LEKR1: variants seen among roughly 807,000 people sequenced by gnomAD.
LEKR1 encodes leucine, glutamate and lysine rich 1.
In LEKR1, 59 loss-of-function variants were observed where a neutral mutation model predicts 72.4. The observed-to-expected ratio is 0.82, with a 90% CI of 0.66 to 1.01. The LOEUF (loss-of-function observed/expected upper bound fraction) is 1.01. LEKR1 is among the 50% of genes least tolerant of loss of function. The pLI, the probability that LEKR1 is intolerant of heterozygous loss-of-function variation, is 0.00. For missense variants in LEKR1, 728 were observed against 759.2 expected, an observed-to-expected ratio of 0.96 and a Z score of 0.48; for synonymous variants, 257 against 263.2, an observed-to-expected ratio of 0.98 and a Z score of 0.23.
At chr3:156,905,043 G>A (rs1213912604) in intron 3 of LEKR1, among the ~76,000 whole-genome samples, 4 of 152,066 alleles carry the variant, frequency 2.6e-5, no homozygotes, top group Non-Finnish European at 5.9e-5. Flanking sequence ...GTCCAGTGCG[G>A]GTACTTTTTT....
chr3:156,888,551 C>A lies in LEKR1; in HGVS notation c.264-32024C>A. ...AAACACATAAAAAGACTGAAAGGGC[C>A]TGGTTAGATTTGGGAGCTGCTTATA... On this transcript the variant is annotated intron_variant, in intron 3 of 12. Coordinates refer to ENST00000356539, the MANE Select transcript of LEKR1 (RefSeq NM_001004316.3). 3 of 556,612 alleles carry A rather than the reference C, an allele frequency of 5.4e-6. No homozygotes were observed. The East Asian group carries it at 8.4e-5, about 16-fold the overall frequency. 34.5% of individuals were successfully genotyped at this position (556,612 alleles called of 1,614,324 possible).
Position 156,993,267 on chromosome 3 carries a change from A to G in LEKR1, c.1099A>G (p.Lys367Glu). The G allele has an allele frequency of 6.3e-7, 1 of 1,587,902 alleles. No individual in the cohort carries two copies. Among genetic ancestry groups the G allele is most frequent in the Non-Finnish European group, 8.5e-7 (1 of 1,170,532 alleles). Residue 367 changes from lysine (K) to glutamate (E), a missense_variant, in exon 9 of 13, where the codon AAA becomes GAA. Transcript: ENST00000356539. ...GACAAGGGAAGAGGTTTTAACACTG[A>G]AAAATGAAAGGTGCAGTAAACAATA... ...NQTREEVLTL[K>E]NERELMLISH...
At chr3:156,972,055 G>A (rs1007162021) in intron 6 of LEKR1, among the ~76,000 whole-genome samples, 2 of 151,920 alleles carry the variant, frequency 1.3e-5, no homozygotes, top group Non-Finnish European at 2.9e-5. Context: ...TGTTTATTGC[G>A]GCACTATTCA....
chr3:156,827,591 C>T (rs1282348490), intron 1 of LEKR1, among the ~76,000 whole-genome samples: 5 of 152,200 alleles, frequency 3.3e-5, no homozygotes, highest in Non-Finnish European at 7.3e-5. Context: ...TCTTTGTAAC[C>T]TCATTAGCAG....
chr3:157,044,870 G>A (rs1054051317), intron 12 of LEKR1, among the ~76,000 whole-genome samples: 1 of 152,024 alleles, frequency 6.6e-6, no homozygotes, highest in East Asian at 1.9e-4. Flanking sequence ...TATACTTCAA[G>A]CACTTTTACC....
At chr3:156,921,612 G>A (rs1190820521) in intron 4 of LEKR1, among the ~76,000 whole-genome samples, 1 of 152,108 alleles carries the variant, frequency 6.6e-6, no homozygotes. Flanking sequence ...GAAATCTGGT[G>A]TTGAACCAAA....
intron 10 of LEKR1, among the ~76,000 whole-genome samples, chr3:157,023,368 A>G (rs1560153636): frequency 1.3e-5 from 2 of 152,186 alleles, no homozygotes; most frequent in Admixed American, 6.5e-5. Flanking sequence ...TAAAAACCAC[A>G]TGGAGAGAGA....
chr3:156,844,387 A>G (rs931501800), intron 2 of LEKR1, among the ~76,000 whole-genome samples: 4 of 152,164 alleles, frequency 2.6e-5, no homozygotes, highest in Non-Finnish European at 5.9e-5. Flanking sequence ...CAGTGGTAAC[A>G]TCTGGCAAAA....
chr3:157,033,730 T>A (rs561170733), intron 12 of LEKR1, among the ~76,000 whole-genome samples: 2 of 152,308 alleles, frequency 1.3e-5, no homozygotes, highest in African/African-American at 4.8e-5. Flanking sequence ...CAGGTTTTCA[T>A]TGTACATGGA....
intron 3 of LEKR1, among the ~76,000 whole-genome samples, chr3:156,895,218 G>A (rs184395208): frequency 1.5e-3 from 223 of 152,266 alleles, no homozygotes; most frequent in African/African-American, 5.1e-3. Context: ...TAAAAAGTAG[G>A]CAAAGGACAT....
chr3:156,888,974 A>G (rs1386900872), intron 3 of LEKR1, among the ~76,000 whole-genome samples: 1 of 152,202 alleles, frequency 6.6e-6, no homozygotes, highest in African/African-American at 2.4e-5. Flanking sequence ...ATGCTAAATC[A>G]TAGATTTCTT....
chr3:156,952,804 C>G (rs1648479157), intron 6 of LEKR1, among the ~76,000 whole-genome samples: 1 of 151,294 alleles, frequency 6.6e-6, no homozygotes, highest in African/African-American at 2.4e-5. Flanking sequence ...TGCAAGCAAC[C>G]TAAAACATCA....
chr3:157,030,259 T>C (rs146269115), intron 12 of LEKR1, among the ~76,000 whole-genome samples: 33 of 152,266 alleles, frequency 2.2e-4, no homozygotes, highest in Non-Finnish European at 4.6e-4. Flanking sequence ...AAGGATCTGC[T>C]GCCATGATTC....
At chr3:157,005,112 G>C (rs1471099333) in intron 9 of LEKR1, among the ~76,000 whole-genome samples, 1 of 151,944 alleles carries the variant, frequency 6.6e-6, no homozygotes, top group African/African-American at 2.4e-5. Flanking sequence ...TACTACTACA[G>C]ATCCCTCAGA....
chr3:156,991,460 G>A (rs1365552354), intron 7 of LEKR1, among the ~76,000 whole-genome samples: 1 of 152,024 alleles, frequency 6.6e-6, no homozygotes, highest in Non-Finnish European at 1.5e-5. Flanking sequence ...TCTGCAAGGA[G>A]GGCATTGATA....
At chr3:156,849,167 A>G (rs1715011774) in intron 2 of LEKR1, among the ~76,000 whole-genome samples, 1 of 152,180 alleles carries the variant, frequency 6.6e-6, no homozygotes, top group South Asian at 2.1e-4. Flanking sequence ...ATTGCTTCAA[A>G]GAGAATAAAA....
chr3:156,907,362 G>T (rs574725142), intron 3 of LEKR1, among the ~76,000 whole-genome samples: 1 of 151,898 alleles, frequency 6.6e-6, no homozygotes, highest in Non-Finnish European at 1.5e-5. Context: ...TTTCCCCATT[G>T]ATAAATCTTG....
rs145991369 is a variant in LEKR1, at chr3:156,905,149, A to G, written c.264-15426A>G. Among the ~76,000 whole-genome samples, 426 of 152,272 alleles carry G rather than the reference A, an allele frequency of 2.8e-3. 4 individuals carry two copies. The highest frequency in any genetic ancestry group is 9.7e-3 in the African/African-American group (405 of 41,554). On this transcript the variant is annotated intron_variant, in intron 3 of 12. Transcript: ENST00000356539. Reference sequence around the variant, plus strand: ...AAAGTCAAGCCAATATTTTTAGAAGATAATGTTGGAATATTGAACTCCCTT... The same window carrying G: ...AAAGTCAAGCCAATATTTTTAGAAGGTAATGTTGGAATATTGAACTCCCTT...
At chr3:157,035,240 C>A (rs4680332) in intron 12 of LEKR1, among the ~76,000 whole-genome samples, 73,573 of 151,948 alleles carry the variant, frequency 0.48, 21,007 homozygotes, top group South Asian at 0.74. Context: ...GGTCTAGAAC[C>A]AAACCCACAA....
Sources: allele counts gnomAD v4.1 joint callset (sites outside exome capture counted in the v4.1 genomes callset), GRCh38; gene constraint gnomAD v4.1.1; transcripts MANE v1.5; gene names NCBI Gene and HGNC (gene_info 2026-07-23, HGNC 2026-07-21).